The following AFG2B variants were observed in gnomAD, a reference collection of about 807,000 sequenced individuals.
AFG2B encodes the protein ATPase family gene 2 protein homolog B.
At chr15:45,403,564 C>T in the AFG2B span, 4 of 1,579,346 alleles carry the variant, frequency 2.5e-6, no homozygotes, top group South Asian at 2.3e-5. Flanking sequence ...GAACCTCGGC[C>T]GCTTCTGGCG....
At chr15:45,403,202 C>G in the AFG2B span, 1 of 1,471,726 alleles carries the variant, frequency 6.8e-7, no homozygotes, top group Non-Finnish European at 8.9e-7. Flanking sequence ...GCGCGCGAGG[C>G]GGGCGCGGAG....
chr15:45,410,263 C>G, the AFG2B span: 1 of 1,265,908 alleles, frequency 7.9e-7, no homozygotes, highest in South Asian at 1.4e-5. Flanking sequence ...ATAATGATAA[C>G]AAAATAACTT....
chr15:45,402,713 G>T, the AFG2B span: 2 of 1,564,492 alleles, frequency 1.3e-6, no homozygotes, highest in African/African-American at 2.7e-5. Flanking sequence ...AGGAGTCTCA[G>T]CCTGAATCGC....
chr15:45,416,395 T>C, the AFG2B span, among the ~76,000 whole-genome samples: 2 of 152,234 alleles, frequency 1.3e-5, no homozygotes, highest in African/African-American at 2.4e-5. Flanking sequence ...GGAAGTCCCC[T>C]CCCTCTTTCT....
At chr15:45,405,247 A>G in the AFG2B span, 1 of 1,398,742 alleles carries the variant, frequency 7.1e-7, no homozygotes, top group Admixed American at 2.3e-5. Flanking sequence ...TCCATCCATG[A>G]GATCAACTTT....
At chr15:45,403,812 GT>G in the AFG2B span, among the ~76,000 whole-genome samples, 61 of 152,280 alleles carry the variant, frequency 4.0e-4, no homozygotes, top group Middle Eastern at 3.4e-3. Flanking sequence ...GATTAATTTT[GT>G]TGTGCAGGTC....
chr15:45,415,639 T>C, the AFG2B span: 1 of 1,614,134 alleles, frequency 6.2e-7, no homozygotes, highest in Non-Finnish European at 8.5e-7. Flanking sequence ...TTGGATGAAA[T>C]TGATTCAATC....
At chr15:45,418,000 A>G in the AFG2B span, among the ~76,000 whole-genome samples, 1 of 152,176 alleles carries the variant, frequency 6.6e-6, no homozygotes, top group Admixed American at 6.6e-5. Flanking sequence ...GTATCTGATA[A>G]TTCATGTATT....
the AFG2B span, chr15:45,403,270 A>T: frequency 6.3e-7 from 1 of 1,589,636 alleles, no homozygotes; most frequent in Non-Finnish European, 8.5e-7. Flanking sequence ...GACCGAGGAG[A>T]ACGTGCGGCG....
chr15:45,412,275 C>T, the AFG2B span, among the ~76,000 whole-genome samples: 3 of 152,110 alleles, frequency 2.0e-5, no homozygotes, highest in South Asian at 2.1e-4. Flanking sequence ...GTGGCGCAAG[C>T]CTGTAATCCC....
chr15:45,420,960 C>A, the AFG2B span: 19 of 1,444,504 alleles, frequency 1.3e-5, no homozygotes, highest in Admixed American at 2.3e-5. Context: ...CCACTGCACT[C>A]CAGCCTGGGC....
chr15:45,409,284 C>G, the AFG2B span, among the ~76,000 whole-genome samples: 2 of 148,728 alleles, frequency 1.3e-5, no homozygotes, highest in Non-Finnish European at 3.0e-5. Flanking sequence ...GGCTGAGGCA[C>G]GAGAATCATT....
At chr15:45,410,221 A>T in the AFG2B span, 1 of 790,656 alleles carries the variant, frequency 1.3e-6, no homozygotes, top group Non-Finnish European at 2.0e-6. Flanking sequence ...GGAGACATTT[A>T]ATTCTTTGTA....
chr15:45,415,742 G>T, the AFG2B span: 1 of 1,613,936 alleles, frequency 6.2e-7, no homozygotes, highest in Non-Finnish European at 8.5e-7. Flanking sequence ...TTGGACTTAA[G>T]ACAATAGAGA....
At chr15:45,407,478 G>C in the AFG2B span, among the ~76,000 whole-genome samples, 3 of 152,144 alleles carry the variant, frequency 2.0e-5, no homozygotes, top group Non-Finnish European at 4.4e-5. Context: ...ATATTAGTTC[G>C]TGTTACCTAA....
chr15:45,415,326 G>A, the AFG2B span, among the ~76,000 whole-genome samples: 312 of 151,854 alleles, frequency 2.1e-3, no homozygotes, highest in African/African-American at 7.1e-3. Context: ...GCAAAACCCC[G>A]TCTCTACTAA....
the AFG2B span, among the ~76,000 whole-genome samples, chr15:45,407,853 A>G: frequency 6.6e-6 from 1 of 151,770 alleles, no homozygotes; most frequent in Admixed American, 6.6e-5. Context: ...TTTAACTAAC[A>G]AAAAAAAATG....
chr15:45,411,270 A>G, the AFG2B span, among the ~76,000 whole-genome samples: 2 of 152,146 alleles, frequency 1.3e-5, no homozygotes, highest in African/African-American at 4.8e-5. Context: ...TCTTGAGGCC[A>G]AGAGTTCAAG....
At chr15:45,418,769 C>A in the AFG2B span, 1 of 1,521,942 alleles carries the variant, frequency 6.6e-7, no homozygotes, top group Non-Finnish European at 8.9e-7. Context: ...TTACTAAAAG[C>A]CTGTGTGGTA....
Sources: gnomAD v4.1 joint callset for allele counts (sites outside exome capture counted in the v4.1 genomes callset) on GRCh38, gnomAD v4.1.1 for gene constraint, MANE v1.5 for transcripts, NCBI Gene and HGNC (gene_info 2026-07-23, HGNC 2026-07-21) for gene names.